The following TOGARAM1 variants were observed in gnomAD, a reference collection of about 807,000 sequenced individuals.
The protein encoded by TOGARAM1 is TOG array regulator of axonemal microtubules 1.
Under a neutral mutation model 166.6 loss-of-function variants are expected in TOGARAM1, and 100 were observed. The observed-to-expected ratio is 0.60, with a 90% CI of 0.51 to 0.71. The LOEUF is 0.71. Ranked by LOEUF, TOGARAM1 falls within the 30% of genes least tolerant of loss-of-function variation. The pLI is 0.00. For missense variants in TOGARAM1, 2,029 were observed against 2,102.7 expected, an observed-to-expected ratio of 0.96 and a Z score of 0.69; for synonymous variants, 758 against 763.8, an observed-to-expected ratio of 0.99 and a Z score of 0.13.
chr14:45,015,438 A>G (rs1880074204), intron 7 of TOGARAM1, among the ~76,000 whole-genome samples: 1 of 151,670 alleles, frequency 6.6e-6, no homozygotes, highest in Admixed American at 6.6e-5. Context: ...TCAAATATAT[A>G]ATGCCTAGAT....
chr14:45,033,068 A>T (rs1566650320), intron 11 of TOGARAM1, among the ~76,000 whole-genome samples: 1 of 151,986 alleles, frequency 6.6e-6, no homozygotes. Context: ...TGGCCAACAT[A>T]GTGAAACCCC....
intron 16 of TOGARAM1, among the ~76,000 whole-genome samples, chr14:45,056,301 T>G (rs1882635558): frequency 6.6e-6 from 1 of 152,170 alleles, no homozygotes; most frequent in South Asian, 2.1e-4. Context: ...TTTCTAGATA[T>G]AAGATCATAT....
Position 44,981,307 on chromosome 14 carries a change from C to T in TOGARAM1, c.2047-14439C>T, listed in dbSNP as rs558090781. Among the ~76,000 whole-genome samples, 30 of 151,936 alleles carry T rather than the reference C, an allele frequency of 2.0e-4. 1 individual carries two copies. In the South Asian group the frequency reaches 3.3e-3, roughly 17 times the overall value. On this transcript the variant is annotated intron_variant, in intron 1 of 19. Coordinates refer to ENST00000361462, the MANE Select transcript of TOGARAM1 (RefSeq NM_001308120.2). ...GCTGTCCAGTGAATGACATACAGAA[C>T]GAGAGAGAGAGGGTAAGATCAAATC...
At chr14:45,042,617 ATATAAT>A (rs1366493479) in intron 11 of TOGARAM1, among the ~76,000 whole-genome samples, 36 of 152,316 alleles carry the variant, frequency 2.4e-4, no homozygotes, top group African/African-American at 7.2e-4. Context: ...GTGTAAGTTA[ATATAAT>A]TATAATCTTT....
At chr14:44,971,554 C>G (rs1885885433) in intron 1 of TOGARAM1, among the ~76,000 whole-genome samples, 2 of 151,910 alleles carry the variant, frequency 1.3e-5, no homozygotes, top group Non-Finnish European at 2.9e-5. Flanking sequence ...GATTTCTATG[C>G]AAATTTTTTA....
Position 45,004,340 on chromosome 14 carries a change from C to T in TOGARAM1, c.2618C>T (p.Ser873Leu), listed in dbSNP as rs141013517. ...SPQKKLVSQK[S>L]SDPTGRNHGE... is the part of the protein sequence containing the mutation. Reference sequence around the variant, plus strand: ...CAGAAGAAGCTTGTCAGCCAAAAATCGTCTGATCCTACGGGTAGAAATCAT... The same window carrying T: ...CAGAAGAAGCTTGTCAGCCAAAAATTGTCTGATCCTACGGGTAGAAATCAT... Residue 873 changes from serine (S) to leucine (L), a missense_variant, in exon 4 of 20, where the codon TCG (serine) becomes TTG (leucine). Ser to Leu is a moderately radical substitution (Grantham distance 145). Coordinates refer to ENST00000361462, the MANE Select transcript of TOGARAM1 (RefSeq NM_001308120.2). 6 of 1,613,792 alleles carry T rather than the reference C, an allele frequency of 3.7e-6. No homozygotes were observed. Among genetic ancestry groups the T allele is most frequent in the East Asian group, 4.5e-5 (2 of 44,868 alleles).
chr14:44,986,998 C>CT (rs1339205394), intron 1 of TOGARAM1, among the ~76,000 whole-genome samples: 1 of 141,168 alleles, frequency 7.1e-6, no homozygotes, highest in African/African-American at 2.6e-5. Context: ...GAGCGAGACT[C>CT]TGTCTCAAAA....
intron 18 of TOGARAM1, 80 bp downstream of exon 18, chr14:45,068,723 A>G (rs1883249268): frequency 9.6e-7 from 1 of 1,041,090 alleles, no homozygotes; most frequent in Non-Finnish European, 1.4e-6. Flanking sequence ...TTTTTTTGTA[A>G]TGCTGAAATC....
rs1208506825 is a variant in TOGARAM1, at chr14:44,963,160, T to C, written c.739T>C (p.Leu247=). The C allele has an allele frequency of 6.2e-7, 1 of 1,614,216 alleles. No individual in the cohort carries two copies. Among genetic ancestry groups the C allele is most frequent in the South Asian group, 1.1e-5 (1 of 91,080 alleles). ...TCCCATCTTGCTTACTACTGAGGAC[T>C]TGTTGCTTGGTCTGGATCTCACCGA... ...LLPILLTTED[L]LLGLDLTEVI... The change falls in exon 1 of 20, where the codon TTG becomes CTG. Residue 247 remains leucine (L), a synonymous_variant. Coordinates refer to ENST00000361462, the MANE Select transcript of TOGARAM1 (RefSeq NM_001308120.2).
At chr14:45,011,816 C>T (rs189697219) in intron 6 of TOGARAM1, 159 bp from the exon 7 acceptor site, 10 of 491,462 alleles carry the variant, frequency 2.0e-5, no homozygotes, top group South Asian at 1.3e-4. Flanking sequence ...TGTGTGTATA[C>T]ACACACACTG....
At chr14:44,983,274 G>A (rs1886624283) in intron 1 of TOGARAM1, among the ~76,000 whole-genome samples, 1 of 152,244 alleles carries the variant, frequency 6.6e-6, no homozygotes, top group Admixed American at 6.5e-5. Context: ...AGAGGAGGAA[G>A]TCTTTTTCTC....
At chr14:44,998,726 T>C (rs1887552633) in intron 2 of TOGARAM1, among the ~76,000 whole-genome samples, 1 of 152,082 alleles carries the variant, frequency 6.6e-6, no homozygotes, top group South Asian at 2.1e-4. Flanking sequence ...AATCATACAG[T>C]TTCAGAACTA....
chr14:45,037,815 C>T (rs1052863803), intron 11 of TOGARAM1, among the ~76,000 whole-genome samples: 4 of 150,676 alleles, frequency 2.7e-5, no homozygotes, highest in African/African-American at 9.8e-5. Flanking sequence ...ATCACGAGGT[C>T]AGGAGATTGA....
rs994095410 is a variant in TOGARAM1, at chr14:44,981,828, C to T, written c.2047-13918C>T. On this transcript the variant is annotated intron_variant, in intron 1 of 19. Transcript: ENST00000361462. ...CTTCTATCCATCAGTGAAAGCTTCCCCTTTTTCACTTACTTTTTTTTTTTT... is the reference window on the plus strand; with the variant it reads ...CTTCTATCCATCAGTGAAAGCTTCCTCTTTTTCACTTACTTTTTTTTTTTT... 2.7e-5 allele frequency among the ~76,000 whole-genome samples: 4 copies of T among 146,836 alleles called. No individual in the cohort carries two copies. In the South Asian group the frequency reaches 8.5e-4, roughly 31 times the overall value.
intron 16 of TOGARAM1, among the ~76,000 whole-genome samples, chr14:45,056,841 T>G (rs1418191927): frequency 6.6e-6 from 1 of 152,176 alleles, no homozygotes; most frequent in Non-Finnish European, 1.5e-5. Context: ...GTCTTTGCCT[T>G]GTTTTGGTAT....
chr14:44,980,687 G>C (rs1886481892), intron 1 of TOGARAM1, among the ~76,000 whole-genome samples: 1 of 152,092 alleles, frequency 6.6e-6, no homozygotes, highest in Admixed American at 6.5e-5. Context: ...TCCCCACCCT[G>C]CCAAAAGTAG....
chr14:44,993,102 G>A (rs1887233711), intron 1 of TOGARAM1, among the ~76,000 whole-genome samples: 1 of 151,162 alleles, frequency 6.6e-6, no homozygotes, highest in East Asian at 2.0e-4. Flanking sequence ...AAAAAATAAA[G>A]TAAAATAAAA....
Position 44,962,223 on chromosome 14 carries a change from G to A in TOGARAM1, c.-199G>A. The A allele has an allele frequency of 1.8e-6, 1 of 545,268 alleles. No homozygotes were observed. Among genetic ancestry groups the A allele is most frequent in the Non-Finnish European group, 3.1e-6 (1 of 322,304 alleles). 33.8% of individuals were successfully genotyped at this position (545,268 alleles called of 1,614,324 possible). A position where few individuals can be genotyped will look rare whatever the true frequency, so the allele number is the denominator to read the frequency against. On this transcript the variant is annotated 5_prime_UTR_variant, in exon 1 of 20. It adds an upstream start codon to the 5' untranslated region. Coordinates refer to ENST00000361462, the MANE Select transcript of TOGARAM1 (RefSeq NM_001308120.2). ...CCCTTGGTTACGCCCGGTGGCAGCTGTGGGGTCTAGGGCTCAGACGGGGGC... is the reference window on the plus strand; with the variant it reads ...CCCTTGGTTACGCCCGGTGGCAGCTATGGGGTCTAGGGCTCAGACGGGGGC...
intron 11 of TOGARAM1, among the ~76,000 whole-genome samples, chr14:45,039,287 G>A (rs945579255): frequency 1.3e-5 from 2 of 152,150 alleles, no homozygotes; most frequent in East Asian, 1.9e-4. Context: ...AGGGGAGGAC[G>A]TGCATATTGA....
Sources: gnomAD v4.1 joint callset for allele counts (sites outside exome capture counted in the v4.1 genomes callset) on GRCh38, gnomAD v4.1.1 for gene constraint, MANE v1.5 for transcripts, NCBI Gene and HGNC (gene_info 2026-07-23, HGNC 2026-07-21) for gene names.